YTHDF3: variants seen among roughly 807,000 people sequenced by gnomAD.
YTHDF3 encodes YTH N6-methyladenosine RNA binding protein F3, also known as YTH domain-containing family protein 3.
A neutral mutation model predicts 52.5 loss-of-function variants in YTHDF3; 9 were observed. That is an observed-to-expected ratio of 0.17 (90% confidence interval 0.10 to 0.30). The LOEUF is 0.30. Among genes scored for constraint, YTHDF3 ranks in the 10% least tolerant of loss-of-function variants. YTHDF3 has a pLI of 1.00. For synonymous variants in YTHDF3, 274 were observed against 243.3 expected, an observed-to-expected ratio of 1.13 and a Z score of -1.18; for missense variants, 534 against 715.0, an observed-to-expected ratio of 0.75 and a Z score of 2.89.
At chr8:63,207,756 C>G (rs574742897) in intron 4 of YTHDF3, among the ~76,000 whole-genome samples, 7 of 152,164 alleles carry the variant, frequency 4.6e-5, no homozygotes, top group Admixed American at 6.5e-5. Context: ...CCTGTAGTTT[C>G]TAGGGCTCTT....
At chr8:63,180,732 G>A (rs986572912) in intron 3 of YTHDF3, among the ~76,000 whole-genome samples, 5 of 152,258 alleles carry the variant, frequency 3.3e-5, no homozygotes, top group African/African-American at 1.2e-4. Flanking sequence ...GGCACCTCGG[G>A]AGGCCGAGGC....
At position 63,187,740 on chromosome 8, in the gene YTHDF3, C is replaced by T. The variant is rs373841599; in HGVS notation, c.1729C>T (p.Arg577Cys). The T allele has an allele frequency of 6.9e-6, 11 of 1,602,126 alleles. No individual in the cohort carries two copies. Among genetic ancestry groups the T allele is most frequent in the Non-Finnish European group, 8.5e-6 (10 of 1,174,216 alleles). Residue 577 changes from arginine (R) to cysteine (C), a missense_variant, in exon 4 of 5, where the codon CGT (arginine) becomes TGT (cysteine). Physicochemically the swap from Arg to Cys is radical, Grantham distance 180. Around this residue, in one of 3 missense-constraint regions of YTHDF3, gnomAD observed 135 missense variants for 214.2 expected, o/e 0.63. Transcript: ENST00000539294. ...EKRQEEEEAM[R>C]RERNRNKQ ...GCGTCAAGAAGAGGAGGAAGCCATGCGTAGGGTAAGAATATAGTAATTTTT... is the reference window on the plus strand; with the variant it reads ...GCGTCAAGAAGAGGAGGAAGCCATGTGTAGGGTAAGAATATAGTAATTTTT...
chr8:63,196,814 T>C (rs141937249), intron 4 of YTHDF3, among the ~76,000 whole-genome samples: 1,618 of 152,216 alleles, frequency 0.011, 22 homozygotes, highest in African/African-American at 0.037. Flanking sequence ...GTAAAAGAAG[T>C]GTAGACTTAA....
intron 4 of YTHDF3, among the ~76,000 whole-genome samples, chr8:63,192,795 G>A (rs1043352357): frequency 6.7e-6 from 1 of 148,802 alleles, no homozygotes; most frequent in African/African-American, 2.5e-5. Context: ...ATTTTACTAG[G>A]ATTTTCTTTA....
intron 3 of YTHDF3, among the ~76,000 whole-genome samples, chr8:63,185,063 A>T (rs973117212): frequency 1.3e-5 from 2 of 152,132 alleles, no homozygotes; most frequent in African/African-American, 4.8e-5. Flanking sequence ...TGGATGTTGC[A>T]GTGAGCCAAG....
rs530417622 is a variant in YTHDF3, at chr8:63,169,616, A to G, written c.49+205A>G. 12 of 584,560 alleles carry G rather than the reference A, an allele frequency of 2.1e-5. No homozygotes were observed. In the South Asian group the frequency reaches 2.6e-4, roughly 13 times the overall value. The allele number at this position is 584,560 out of a possible 1,614,324, so 36.2% of individuals were successfully genotyped here. ...GAAGCCACTTTATAGAAACCAAAGT[A>G]GTACGAGAAACAGTTTCCTTGTCAG... On this transcript the variant is annotated intron_variant, in intron 2 of 4. Coordinates refer to ENST00000539294, the MANE Select transcript of YTHDF3 (RefSeq NM_152758.6).
intron 3 of YTHDF3, among the ~76,000 whole-genome samples, chr8:63,185,544 G>A (rs572845431): frequency 6.6e-6 from 1 of 152,170 alleles, no homozygotes; most frequent in East Asian, 1.9e-4. Flanking sequence ...TTTTTGAAAT[G>A]AACAAGGCAA....
chr8:63,209,824 C>G lies in YTHDF3; in HGVS notation c.*118C>G, dbSNP rs756385909. The stretch of plus-strand genomic sequence containing the variant: ...CTGCTTAAGGTGACATCTTTGAACA[C>G]TTTAACACAAAGTTGACTCTTCTCG... On this transcript the variant is annotated 3_prime_UTR_variant, in exon 5 of 5. Coordinates refer to ENST00000539294, the MANE Select transcript of YTHDF3 (RefSeq NM_152758.6). 1 of 1,015,092 alleles carries G rather than the reference C, an allele frequency of 9.9e-7. No individual in the cohort carries two copies. The highest frequency in any genetic ancestry group is 1.4e-6 in the Non-Finnish European group (1 of 710,196). 62.9% of individuals were successfully genotyped at this position (1,015,092 alleles called of 1,614,324 possible). A position where few individuals can be genotyped will look rare whatever the true frequency, so the allele number is the denominator to read the frequency against.
In YTHDF3 at chr8:63,181,270, A is replaced by G. The variant is rs145609353; in HGVS notation, c.136-4877A>G. 3.5e-4 allele frequency among the ~76,000 whole-genome samples: 54 copies of G among 152,280 alleles called. 1 individual carries two copies. In the East Asian group the frequency reaches 6.0e-3, roughly 17 times the overall value. On this transcript the variant is annotated intron_variant, in intron 3 of 4. Transcript: ENST00000539294. Reference sequence around the variant, plus strand: ...GTTAAGGTATTCATTAGTTTTGTCTATTGAAATGATTTTCTAACTAGTAAT... The same window carrying G: ...GTTAAGGTATTCATTAGTTTTGTCTGTTGAAATGATTTTCTAACTAGTAAT...
chr8:63,196,402 A>C, intron 4 of YTHDF3, among the ~76,000 whole-genome samples: 1 of 151,978 alleles, frequency 6.6e-6, no homozygotes, highest in East Asian at 1.9e-4. Context: ...TCTCTACTAA[A>C]AATACAAAAA....
chr8:63,212,114 AT>A lies in YTHDF3; in HGVS notation c.*2410del, dbSNP rs1173775466. 8.5e-5 allele frequency: 13 copies of A among 152,740 alleles called. No homozygotes were observed. Among genetic ancestry groups the A allele is most frequent in the Admixed American group, 2.6e-4 (4 of 15,296 alleles). 9.5% of individuals were successfully genotyped at this position (152,740 alleles called of 1,614,324 possible). On this transcript the variant is annotated 3_prime_UTR_variant, in exon 5 of 5. Coordinates refer to ENST00000539294, the MANE Select transcript of YTHDF3 (RefSeq NM_152758.6). Reference sequence around the variant, plus strand: ...TGTTTGAATGATCACAAATTAAGACATTATCAGCCCAGTAAATTTCTTGCTT... The same window carrying A: ...TGTTTGAATGATCACAAATTAAGACATATCAGCCCAGTAAATTTCTTGCTT...
In YTHDF3 at chr8:63,168,753, G is replaced by A; in HGVS notation, c.-125G>A. 2 of 1,541,864 alleles carry A rather than the reference G, an allele frequency of 1.3e-6. No individual in the cohort carries two copies. Among genetic ancestry groups the A allele is most frequent in the Non-Finnish European group, 8.8e-7 (1 of 1,142,196 alleles). On this transcript the variant is annotated 5_prime_UTR_variant, in exon 1 of 5. Coordinates refer to ENST00000539294, the MANE Select transcript of YTHDF3 (RefSeq NM_152758.6). ...GCGAGGCCCTCATTTTGGGTTCTCA[G>A]CGAACGGCGGCAGCGGCGGCGGCTG...
intron 4 of YTHDF3, among the ~76,000 whole-genome samples, chr8:63,207,227 T>A (rs1315214500): frequency 6.6e-6 from 1 of 152,226 alleles, no homozygotes; most frequent in East Asian, 1.9e-4. Flanking sequence ...TTAAGTCCAC[T>A]GTCTGATATT....
chr8:63,199,343 G>A (rs951008538), intron 4 of YTHDF3, among the ~76,000 whole-genome samples: 1 of 152,100 alleles, frequency 6.6e-6, no homozygotes, highest in Non-Finnish European at 1.5e-5. Context: ...ACATACTCAA[G>A]TTCTGCAGTC....
chr8:63,168,578 T>G, upstream of YTHDF3: 1 of 537,716 alleles, frequency 1.9e-6, no homozygotes. Context: ...AGCGCGGACG[T>G]CAGAGTGGAG....
chr8:63,192,419 A>G (rs1352139846), intron 4 of YTHDF3, among the ~76,000 whole-genome samples: 1 of 152,226 alleles, frequency 6.6e-6, no homozygotes, highest in Admixed American at 6.5e-5. Flanking sequence ...TGATTTTACC[A>G]GTTAAGTGAT....
intron 4 of YTHDF3, among the ~76,000 whole-genome samples, chr8:63,194,445 A>G (rs931190869): frequency 1.3e-5 from 2 of 152,206 alleles, no homozygotes; most frequent in African/African-American, 2.4e-5. Context: ...AGTTCGTGCT[A>G]TTGCACTCCA....
At chr8:63,189,340 T>A (rs753811079) in intron 4 of YTHDF3, among the ~76,000 whole-genome samples, 3 of 152,274 alleles carry the variant, frequency 2.0e-5, no homozygotes, top group South Asian at 2.1e-4. Flanking sequence ...AACGTAAAAT[T>A]GGGGTCCTAT....
At chr8:63,189,420 G>T (rs921330159) in intron 4 of YTHDF3, among the ~76,000 whole-genome samples, 1 of 152,204 alleles carries the variant, frequency 6.6e-6, no homozygotes, top group African/African-American at 2.4e-5. Flanking sequence ...TTGAAACTTA[G>T]TAGGGGTAAA....
Sources: gnomAD v4.1 joint callset for allele counts (sites outside exome capture counted in the v4.1 genomes callset) on GRCh38, gnomAD v4.1.1 for gene constraint, gnomAD v4.1.1 regional missense constraint, MANE v1.5 for transcripts, NCBI Gene and HGNC (gene_info 2026-07-23, HGNC 2026-07-21) for gene names.